MED13: variants seen among roughly 807,000 people sequenced by gnomAD.
MED13 encodes the protein mediator of RNA polymerase II transcription subunit 13.
Under a neutral mutation model 225.2 loss-of-function variants are expected in MED13, and 23 were observed. That is an observed-to-expected ratio of 0.10 (90% CI 0.07 to 0.14). The LOEUF is 0.14. MED13 is among the 10% of genes least tolerant of loss of function. MED13 has a pLI of 1.00. For synonymous variants in MED13, 942 were observed against 889.2 expected, an observed-to-expected ratio of 1.06 and a Z score of -1.06; for missense variants, 2,197 against 2,594.5, an observed-to-expected ratio of 0.85 and a Z score of 3.33.
intron 10 of MED13, among the ~76,000 whole-genome samples, chr17:61,994,575 C>G (rs1046847414): frequency 6.6e-6 from 1 of 152,154 alleles, no homozygotes; most frequent in African/African-American, 2.4e-5. Flanking sequence ...ACCTAAATGT[C>G]CTGATTTCAA....
At chr17:61,960,550 T>C (rs2079989707) in intron 23 of MED13, among the ~76,000 whole-genome samples, 1 of 152,194 alleles carries the variant, frequency 6.6e-6, no homozygotes, top group Admixed American at 6.5e-5. Flanking sequence ...AGTTTAAATG[T>C]TCTATAGATA....
chr17:62,065,190 CGAA>C lies in MED13; in HGVS notation c.13_15del (p.Phe5del), dbSNP rs1568012234. ...TCTTCCAGGCTGGCCCCGTTCGGCA[CGAA>C]GGAGGCACTCATCGTCCCTCACAGC... On this transcript the variant is annotated inframe_deletion, in exon 1 of 30. Transcript: ENST00000397786. The C allele has an allele frequency of 2.5e-6, 4 of 1,579,754 alleles. No individual in the cohort carries two copies. Among genetic ancestry groups the C allele is most frequent in the Non-Finnish European group, 3.4e-6 (4 of 1,164,592 alleles).
In MED13 at chr17:62,057,725, G is replaced by A. The variant is rs559302784; in HGVS notation, c.302-5020C>T. ...ACTTAGTTTGAGCACTATTCATTAT[G>A]ATAAAATTCTGGTATAATAAAACTA... On this transcript the variant is annotated intron_variant, in intron 2 of 29. Coordinates refer to ENST00000397786, the MANE Select transcript of MED13 (RefSeq NM_005121.3). Among the ~76,000 whole-genome samples the A allele has an allele frequency of 3.6e-4, 55 of 152,280 alleles. No homozygotes were observed. In the South Asian group the frequency reaches 5.2e-3, roughly 14 times the overall value.
Position 61,970,815 on chromosome 17 carries a change from A to G in MED13, c.3967+1912T>C, listed in dbSNP as rs548996028. Among the ~76,000 whole-genome samples, 103 of 142,204 alleles carry G rather than the reference A, an allele frequency of 7.2e-4. 1 individual carries two copies. Among genetic ancestry groups the G allele is most frequent in the African/African-American group, 2.6e-3 (99 of 37,818 alleles). 93.3% of individuals were successfully genotyped at this position (142,204 alleles called of 152,430 possible). Reference sequence around the variant, plus strand: ...TGAGTTGGGCAGATCACTAGGGCCCAGGAGTTGGAGACCAGCCTGGGCAAC... The same window carrying G: ...TGAGTTGGGCAGATCACTAGGGCCCGGGAGTTGGAGACCAGCCTGGGCAAC... On this transcript the variant is annotated intron_variant, in intron 17 of 29. Coordinates refer to ENST00000397786, the MANE Select transcript of MED13 (RefSeq NM_005121.3).
In MED13 at chr17:61,962,906, G is replaced by A; in HGVS notation, c.4910C>T (p.Pro1637Leu). The A allele has an allele frequency of 6.2e-7, 1 of 1,614,050 alleles. No individual in the cohort carries two copies. Among genetic ancestry groups the A allele is most frequent in the Non-Finnish European group, 8.5e-7 (1 of 1,180,014 alleles). The stretch of plus-strand genomic sequence containing the variant: ...ATCAATTATATAAACAACAATTGCA[G>A]GTGGATACGTGACTGCATGTGAATC... ...DGDSHAVTYP[P>L]AIVVYIIDPF... The change falls in exon 21 of 30, where the codon CCT becomes CTT. Residue 1637 changes from proline (P) to leucine (L), a missense_variant. By Grantham distance (98) the Pro-to-Leu change is moderately conservative. Transcript: ENST00000397786.
At chr17:61,970,480 A>G (rs2080097254) in intron 17 of MED13, among the ~76,000 whole-genome samples, 1 of 152,096 alleles carries the variant, frequency 6.6e-6, no homozygotes, top group African/African-American at 2.4e-5. Flanking sequence ...AAGCAGTTCA[A>G]GAACAGACTG....
chr17:61,988,356 T>G (rs2080266289), intron 11 of MED13, among the ~76,000 whole-genome samples: 1 of 152,134 alleles, frequency 6.6e-6, no homozygotes, highest in Non-Finnish European at 1.5e-5. Flanking sequence ...ACAATGAAAA[T>G]TAAACTCCCA....
At chr17:62,030,054 G>T (rs1209867368) in intron 6 of MED13, 41 bp from the exon 7 acceptor site, 5 of 1,429,264 alleles carry the variant, frequency 3.5e-6, no homozygotes, top group Non-Finnish European at 4.6e-6. Flanking sequence ...GAGAATAAAG[G>T]TAGGTTTAAA....
intron 11 of MED13, among the ~76,000 whole-genome samples, chr17:61,990,627 G>GTGTATATA (rs906431943): frequency 3.2e-4 from 45 of 139,006 alleles, no homozygotes; most frequent in African/African-American, 1.2e-3. Context: ...GGCGCACTGT[G>GTGTATATA]TATATATATA....
chr17:61,990,600 T>C (rs1269227645), intron 11 of MED13, among the ~76,000 whole-genome samples: 2 of 145,618 alleles, frequency 1.4e-5, no homozygotes, highest in Non-Finnish European at 3.0e-5. Context: ...TATATATATA[T>C]ATACACACAC....
Position 62,029,629 on chromosome 17 carries a change from C to G in MED13, c.1195G>C (p.Gly399Arg), listed in dbSNP as rs1232620194. 1 of 1,613,688 alleles carries G rather than the reference C, an allele frequency of 6.2e-7. No homozygotes were observed. The highest frequency in any genetic ancestry group is 2.2e-5 in the East Asian group (1 of 44,884). The change falls in exon 8 of 30, where the codon GGT becomes CGT. Residue 399 changes from glycine to arginine, a missense_variant. Around this residue, in one of 12 missense-constraint regions of MED13, gnomAD observed 884 missense variants for 918.5 expected, o/e 0.96. Transcript: ENST00000397786. ...QNKRKYSASS[G>R]GLCEEATAAK... ...GCTGTCGCTTCTTCGCATAGACCAC[C>G]TGATGAAGCAGAATACTTCCTCCTA...
chr17:62,042,877 T>C (rs2080865374), intron 3 of MED13, among the ~76,000 whole-genome samples: 2 of 151,714 alleles, frequency 1.3e-5, no homozygotes, highest in South Asian at 4.1e-4. Flanking sequence ...AGGCTGGGCA[T>C]GGTGGCTCAC....
At chr17:61,991,039 TTA>T (rs780519162) in intron 11 of MED13, among the ~76,000 whole-genome samples, 12 of 152,208 alleles carry the variant, frequency 7.9e-5, no homozygotes, top group Admixed American at 2.6e-4. Context: ...GGTGAAAACT[TTA>T]AAACATTTTA....
chr17:62,058,538 A>AG (rs1156489471), intron 2 of MED13, among the ~76,000 whole-genome samples: 112 of 151,016 alleles, frequency 7.4e-4, no homozygotes, highest in African/African-American at 2.5e-3. Context: ...AAAAAAAAAA[A>AG]AAAAGAAAGA....
chr17:62,005,221 C>T (rs563782009), intron 9 of MED13: 1 of 152,346 alleles, frequency 6.6e-6, no homozygotes, highest in Non-Finnish European at 1.5e-5. Context: ...TTCAAGAGAC[C>T]TGCTGACTAT....
At chr17:62,039,015 T>C (rs1203760120) in intron 3 of MED13, among the ~76,000 whole-genome samples, 1 of 152,144 alleles carries the variant, frequency 6.6e-6, no homozygotes, top group African/African-American at 2.4e-5. Flanking sequence ...ATTTGGCTTC[T>C]TGATATAAAG....
chr17:61,983,903 A>G (rs1255850202), intron 15 of MED13, among the ~76,000 whole-genome samples: 2 of 151,822 alleles, frequency 1.3e-5, no homozygotes, highest in Non-Finnish European at 2.9e-5. Flanking sequence ...TAATTTTTGT[A>G]TTTTTAGTAG....
intron 27 of MED13, among the ~76,000 whole-genome samples, chr17:61,951,758 T>C (rs2079898590): frequency 6.6e-6 from 1 of 152,212 alleles, no homozygotes; most frequent in Non-Finnish European, 1.5e-5. Flanking sequence ...TTTTGTTATA[T>C]GTATTTCCTA....
Position 61,955,857 on chromosome 17 carries a change from A to AAT in MED13, c.5624-20_5624-19insAT. On this transcript the variant is annotated intron_variant, in intron 24 of 29. Transcript: ENST00000397786. ...CTCCAATCTGTGGGTATCAACAGTA[A>AAT]AAAAAAAAAAAAAAAAAAAAAAAAT... 2.4e-6 allele frequency: 1 copy of AAT among 411,132 alleles called. No individual in the cohort carries two copies. Among genetic ancestry groups the AAT allele is most frequent in the Admixed American group, 5.7e-5 (1 of 17,552 alleles). 25.5% of individuals were successfully genotyped at this position (411,132 alleles called of 1,614,324 possible).
Sources: allele counts gnomAD v4.1 joint callset (sites outside exome capture counted in the v4.1 genomes callset), GRCh38; gene constraint gnomAD v4.1.1; regional missense constraint gnomAD v4.1.1; transcripts MANE v1.5; gene names NCBI Gene and HGNC (gene_info 2026-07-23, HGNC 2026-07-21).